Variants in PDE8B observed in about 807,000 individuals in gnomAD.
PDE8B encodes high affinity cAMP-specific and IBMX-insensitive 3',5'-cyclic phosphodiesterase 8B.
PDE8B carries 26 observed loss-of-function variants against 101.3 expected under a neutral mutation model. The ratio of observed to expected loss-of-function variants is 0.26; its 90% CI spans 0.19 to 0.36. The LOEUF (loss-of-function observed/expected upper bound fraction) is 0.36, where lower values mean the gene tolerates loss of function less well. Among genes scored for constraint, PDE8B ranks in the 10% least tolerant of loss-of-function variants. PDE8B has a pLI of 1.00. For synonymous variants in PDE8B, 424 were observed against 429.3 expected, an observed-to-expected ratio of 0.99 and a Z score of 0.15; for missense variants, 810 against 1,163.1, an observed-to-expected ratio of 0.70 and a Z score of 4.42.
the PDE8B span, among the ~76,000 whole-genome samples, chr5:77,203,502 A>G: frequency 6.6e-6 from 1 of 152,188 alleles, no homozygotes; most frequent in Admixed American, 6.5e-5. Flanking sequence ...TCATGGCATC[A>G]TGGCTGGCTG....
the PDE8B span, chr5:77,105,841 T>A: frequency 6.6e-4 from 101 of 152,212 alleles, no homozygotes; most frequent in African/African-American, 2.3e-3. Flanking sequence ...TTTTGGTTGT[T>A]CTAGTGGGTG....
intron 5 of PDE8B, among the ~76,000 whole-genome samples, chr5:77,335,299 G>T (rs1423573426): frequency 1.3e-5 from 2 of 152,134 alleles, no homozygotes; most frequent in African/African-American, 2.4e-5. Context: ...GTTATAGGCT[G>T]ATATATAGCT....
intron 10 of PDE8B, chr5:77,358,324 C>A: frequency 3.1e-6 from 1 of 322,336 alleles, no homozygotes; most frequent in Non-Finnish European, 4.5e-6. Flanking sequence ...TCCTTTAGGA[C>A]TCAACTCAGC....
rs146383731 is a variant in PDE8B, at chr5:77,277,727, T to C, written c.340-34267T>C. On this transcript the variant is annotated intron_variant, in intron 1 of 21. Coordinates refer to ENST00000264917, the MANE Select transcript of PDE8B (RefSeq NM_003719.5). ...CAGAGATGCTCAGATTTTTTCAGCG[T>C]AGTTTCCCCTAACATCACAGCTCTC... 3.7e-4 allele frequency among the ~76,000 whole-genome samples: 56 copies of C among 152,334 alleles called. No homozygotes were observed. The East Asian group carries it at 0.01, about 28-fold the overall frequency.
At chr5:77,346,536 G>A (rs1262681263) in intron 7 of PDE8B, among the ~76,000 whole-genome samples, 1 of 152,182 alleles carries the variant, frequency 6.6e-6, no homozygotes, top group Admixed American at 6.5e-5. Context: ...ATCAATTGGT[G>A]GTTAGAAAAC....
chr5:77,389,952 A>AGT (rs1201141618), intron 10 of PDE8B, among the ~76,000 whole-genome samples: 1 of 152,122 alleles, frequency 6.6e-6, no homozygotes, highest in African/African-American at 2.4e-5. Context: ...AACACTTAGG[A>AGT]GTGGGACTGT....
chr5:77,262,689 T>C (rs1455339691), intron 1 of PDE8B, among the ~76,000 whole-genome samples: 1 of 152,274 alleles, frequency 6.6e-6, no homozygotes, highest in Admixed American at 6.5e-5. Flanking sequence ...TCTGATTTTC[T>C]ACTTCTGTCT....
At chr5:77,222,251 C>T (rs1751267298) in intron 1 of PDE8B, among the ~76,000 whole-genome samples, 1 of 152,148 alleles carries the variant, frequency 6.6e-6, no homozygotes, top group African/African-American at 2.4e-5. Flanking sequence ...CCCTGTAAAC[C>T]CGCTAGGTTC....
At chr5:77,408,377 T>G (rs1793912216) in intron 13 of PDE8B, among the ~76,000 whole-genome samples, 1 of 152,082 alleles carries the variant, frequency 6.6e-6, no homozygotes, top group African/African-American at 2.4e-5. Flanking sequence ...GTCTTTGATT[T>G]TTTTGTTGTG....
the PDE8B span, among the ~76,000 whole-genome samples, chr5:77,162,768 G>A: frequency 8.5e-5 from 13 of 152,072 alleles, no homozygotes; most frequent in African/African-American, 2.9e-4. Flanking sequence ...CTAATAATCC[G>A]TGGCCCTGAT....
chr5:77,226,395 G>A (rs886355613), intron 1 of PDE8B, among the ~76,000 whole-genome samples: 4 of 152,008 alleles, frequency 2.6e-5, no homozygotes, highest in African/African-American at 4.8e-5. Context: ...TCATTCCATC[G>A]TAGTTCATAA....
chr5:77,363,036 G>A (rs1413825632), intron 10 of PDE8B, among the ~76,000 whole-genome samples: 1 of 152,216 alleles, frequency 6.6e-6, no homozygotes, highest in Non-Finnish European at 1.5e-5. Context: ...TTGATCAGTG[G>A]AGCTCATGGA....
Position 77,396,039 on chromosome 5 carries a change from C to G in PDE8B, c.1168-4209C>G, listed in dbSNP as rs140190090. Among the ~76,000 whole-genome samples the G allele has an allele frequency of 3.4e-4, 52 of 152,322 alleles. 1 individual carries two copies. Among genetic ancestry groups the G allele is most frequent in the Middle Eastern group, 3.4e-3 (1 of 294 alleles). Reference sequence around the variant, plus strand: ...GATTGTTCAGTAGTGAGCTGGGGATCGTGCATCAACCCAAACATGTTTTAC... The same window carrying G: ...GATTGTTCAGTAGTGAGCTGGGGATGGTGCATCAACCCAAACATGTTTTAC... On this transcript the variant is annotated intron_variant, in intron 10 of 21. Transcript: ENST00000264917.
chr5:77,290,755 T>C (rs1359034292), intron 1 of PDE8B: 3 of 1,490,498 alleles, frequency 2.0e-6, no homozygotes, highest in Non-Finnish European at 2.8e-6. Context: ...GTTGGAATCA[T>C]CACGGCATTC....
At chr5:77,168,186 C>T in the PDE8B span, among the ~76,000 whole-genome samples, 16 of 152,324 alleles carry the variant, frequency 1.1e-4, no homozygotes, top group African/African-American at 3.4e-4. Context: ...CCATCCTGCC[C>T]CTCTCCCCTT....
chr5:77,427,376 T>C lies in PDE8B; in HGVS notation c.*822T>C, dbSNP rs544977096. On this transcript the variant is annotated 3_prime_UTR_variant, in exon 22 of 22. Coordinates refer to ENST00000264917, the MANE Select transcript of PDE8B (RefSeq NM_003719.5). ...AGTATTATATAAAAGCCATTAAATT[T>C]GAATGCCCTTGGACAAGCTTTTCTT... 18 of 151,006 alleles carry C rather than the reference T, an allele frequency of 1.2e-4. No homozygotes were observed. The highest frequency in any genetic ancestry group is 4.4e-4 in the African/African-American group (18 of 40,802). The allele number at this position is 151,006 out of a possible 1,614,324, so 9.4% of individuals were successfully genotyped here.
chr5:77,151,433 G>A, the PDE8B span: 1 of 152,208 alleles, frequency 6.6e-6, no homozygotes, highest in African/African-American at 2.4e-5. Context: ...TCCCTAAGAA[G>A]CCATGATCTT....
At chr5:77,370,505 G>A (rs886583320) in intron 10 of PDE8B, among the ~76,000 whole-genome samples, 1 of 152,160 alleles carries the variant, frequency 6.6e-6, no homozygotes, top group African/African-American at 2.4e-5. Flanking sequence ...GCTTTTTACT[G>A]CTGAGCACTG....
At chr5:77,166,017 A>T in the PDE8B span, among the ~76,000 whole-genome samples, 1 of 151,414 alleles carries the variant, frequency 6.6e-6, no homozygotes, top group Admixed American at 6.6e-5. Context: ...AAGGAAAGAT[A>T]AGAGCTTGGA....
Sources: allele counts gnomAD v4.1 joint callset (sites outside exome capture counted in the v4.1 genomes callset), GRCh38; gene constraint gnomAD v4.1.1; transcripts MANE v1.5; gene names NCBI Gene and HGNC (gene_info 2026-07-23, HGNC 2026-07-21).